The following HEMK2 variants were observed in gnomAD, a reference collection of about 807,000 sequenced individuals.
HEMK2 encodes HemK methyltransferase 2, ETF1 glutamine and histone H4 lysine, also known as methyltransferase HEMK2.
the HEMK2 span, among the ~76,000 whole-genome samples, chr21:28,601,995 C>G: frequency 2.0e-5 from 3 of 152,200 alleles, no homozygotes; most frequent in Non-Finnish European, 4.4e-5. Context: ...TGCAATGCTT[C>G]AACCATTTAA....
the HEMK2 span, among the ~76,000 whole-genome samples, chr21:28,602,214 T>A: frequency 6.6e-6 from 1 of 152,366 alleles, no homozygotes; most frequent in Non-Finnish European, 1.5e-5. Context: ...CTGTGTTTTT[T>A]AAATTACTTT....
the HEMK2 span, among the ~76,000 whole-genome samples, chr21:28,579,748 A>G: frequency 6.6e-6 from 1 of 152,226 alleles, no homozygotes; most frequent in Admixed American, 6.5e-5. Flanking sequence ...CAAGAGCATT[A>G]GCCTGGATCC....
chr21:28,778,668 A>C, the HEMK2 span, among the ~76,000 whole-genome samples: 1 of 152,118 alleles, frequency 6.6e-6, no homozygotes, highest in African/African-American at 2.4e-5. Flanking sequence ...GCATTTTCCC[A>C]GTGGCTAACA....
chr21:28,861,953 C>T, the HEMK2 span, among the ~76,000 whole-genome samples: 1 of 152,120 alleles, frequency 6.6e-6, no homozygotes, highest in Non-Finnish European at 1.5e-5. Context: ...AGGAATGCTG[C>T]CACCAGGAGA....
At chr21:28,817,124 T>C in the HEMK2 span, among the ~76,000 whole-genome samples, 2 of 152,208 alleles carry the variant, frequency 1.3e-5, no homozygotes, top group Non-Finnish European at 2.9e-5. Flanking sequence ...TAGATTACTG[T>C]CTGTAATCAC....
chr21:28,614,548 C>A, the HEMK2 span, among the ~76,000 whole-genome samples: 1 of 152,132 alleles, frequency 6.6e-6, no homozygotes, highest in Non-Finnish European at 1.5e-5. Flanking sequence ...AAGATTTCAA[C>A]TTGAGACTTC....
the HEMK2 span, among the ~76,000 whole-genome samples, chr21:28,704,625 T>A: frequency 4.0e-5 from 6 of 151,396 alleles, no homozygotes; most frequent in Admixed American, 1.3e-4. Flanking sequence ...AGGTTTTGAA[T>A]GGACACAGAA....
chr21:28,620,660 CTTTTTTTTTTTTTTTTT>C, the HEMK2 span, among the ~76,000 whole-genome samples: 2 of 49,642 alleles, frequency 4.0e-5, no homozygotes, highest in African/African-American at 1.9e-4. Flanking sequence ...TCTCTCTTTT[CTTTTTTTTTTTTTTTTT>C]TTTTTTTTTT....
the HEMK2 span, among the ~76,000 whole-genome samples, chr21:28,702,491 G>A: frequency 6.6e-6 from 1 of 152,084 alleles, no homozygotes; most frequent in African/African-American, 2.4e-5. Flanking sequence ...ATTAAAACAT[G>A]GGCAAAGAAC....
the HEMK2 span, among the ~76,000 whole-genome samples, chr21:28,784,103 C>T: frequency 5.3e-5 from 8 of 152,186 alleles, no homozygotes; most frequent in East Asian, 1.9e-4. Context: ...AGCTCCACAG[C>T]GCCTGGTCCC....
the HEMK2 span, among the ~76,000 whole-genome samples, chr21:28,646,120 G>C: frequency 6.6e-6 from 1 of 152,180 alleles, no homozygotes; most frequent in East Asian, 1.9e-4. Flanking sequence ...TCTGTGTCTT[G>C]AGAGAGAACA....
chr21:28,858,736 GT>G, the HEMK2 span, among the ~76,000 whole-genome samples: 1 of 152,120 alleles, frequency 6.6e-6, no homozygotes, highest in Non-Finnish European at 1.5e-5. Context: ...TTATTGCTCA[GT>G]TAGAGTATTT....
At chr21:28,702,933 G>A in the HEMK2 span, among the ~76,000 whole-genome samples, 1 of 152,034 alleles carries the variant, frequency 6.6e-6, no homozygotes, top group African/African-American at 2.4e-5. Context: ...TGGTAGACTG[G>A]GTAAACAAAA....
the HEMK2 span, among the ~76,000 whole-genome samples, chr21:28,816,622 A>T: frequency 6.6e-6 from 1 of 152,200 alleles, no homozygotes; most frequent in African/African-American, 2.4e-5. Context: ...TGGAGCCCGC[A>T]CTGAAATATA....
At chr21:28,654,864 T>C in the HEMK2 span, among the ~76,000 whole-genome samples, 3 of 152,080 alleles carry the variant, frequency 2.0e-5, no homozygotes, top group Non-Finnish European at 2.9e-5. Flanking sequence ...ATGCCAAGGA[T>C]ACAAAATGCT....
the HEMK2 span, among the ~76,000 whole-genome samples, chr21:28,622,637 T>C: frequency 6.6e-6 from 1 of 151,816 alleles, no homozygotes. Flanking sequence ...CAGATATATA[T>C]AGAAAATGGA....
At chr21:28,694,749 T>C in the HEMK2 span, among the ~76,000 whole-genome samples, 3 of 152,138 alleles carry the variant, frequency 2.0e-5, no homozygotes, top group Non-Finnish European at 4.4e-5. Flanking sequence ...CCTAGCACTT[T>C]GGAAGGCTGA....
chr21:28,810,194 T>A, the HEMK2 span, among the ~76,000 whole-genome samples: 1 of 152,156 alleles, frequency 6.6e-6, no homozygotes, highest in South Asian at 2.1e-4. Context: ...GTCCCCCCAA[T>A]AGGACACAAA....
At chr21:28,699,758 C>T in the HEMK2 span, among the ~76,000 whole-genome samples, 1 of 152,096 alleles carries the variant, frequency 6.6e-6, no homozygotes, top group South Asian at 2.1e-4. Flanking sequence ...ACATGTCTGT[C>T]CTCTTTTCAA....
Sources: allele counts gnomAD v4.1 joint callset (sites outside exome capture counted in the v4.1 genomes callset), GRCh38; gene constraint gnomAD v4.1.1; transcripts MANE v1.5; gene names NCBI Gene and HGNC (gene_info 2026-07-23, HGNC 2026-07-21).